PRMT7: variants seen among roughly 807,000 people sequenced by gnomAD.
The protein encoded by PRMT7 is protein arginine N-methyltransferase 7.
A neutral mutation model predicts 85.4 loss-of-function variants in PRMT7; 75 were observed. The observed-to-expected ratio is 0.88, with a 90% CI of 0.73 to 1.06. The LOEUF (loss-of-function observed/expected upper bound fraction) is 1.06, where lower values mean the gene tolerates loss of function less well. Among genes scored for constraint, PRMT7 ranks in the 50% least tolerant of loss-of-function variants. The pLI, the probability that PRMT7 is intolerant of heterozygous loss-of-function variation, is 0.00. For synonymous variants in PRMT7, 397 were observed against 359.5 expected (o/e 1.10, Z -1.18); for missense variants, 868 against 915.2 (o/e 0.95, Z 0.67).
chr16:68,321,986 C>T (rs893211325), intron 4 of PRMT7, among the ~76,000 whole-genome samples: 2 of 150,706 alleles, frequency 1.3e-5, no homozygotes, highest in Admixed American at 6.6e-5. Context: ...CTCGCTCTGT[C>T]ACTCAGGCTA....
At chr16:68,319,711 A>AGTGTGTGGGTGTGTGTGT (rs2082269296) in intron 3 of PRMT7, among the ~76,000 whole-genome samples, 1 of 141,446 alleles carries the variant, frequency 7.1e-6, no homozygotes, top group Non-Finnish European at 1.5e-5. Context: ...TAAGAGTGAG[A>AGTGTGTGGGTGTGTGTGT]GTGTGTGTGT....
chr16:68,346,111 C>T (rs1401953839), intron 10 of PRMT7, 34 bp from the exon 11 acceptor site: 2 of 1,610,568 alleles, frequency 1.2e-6, no homozygotes, highest in South Asian at 2.2e-5. Flanking sequence ...GAGGCGCTCA[C>T]AGCCCACGTC....
chr16:68,357,054 G>C lies in PRMT7; in HGVS notation c.1909G>C (p.Gly637Arg), dbSNP rs145555776. 4 of 1,604,958 alleles carry C rather than the reference G, an allele frequency of 2.5e-6. No homozygotes were observed. In the African/African-American group the frequency reaches 5.4e-5, roughly 21 times the overall value. Reference sequence around the variant, plus strand: ...CATCTTCCTGCTCTTCTTCCTACAGGGGGGCTGCTGCTGGAACCCCCACTG... The same window carrying C: ...CATCTTCCTGCTCTTCTTCCTACAGCGGGGCTGCTGCTGGAACCCCCACTG... ...TGLLEPADPE[G>R]GCCWNPHCKQ... is the part of the protein sequence containing the mutation. The change falls in exon 19 of 19, where the codon GGG (glycine) becomes CGG (arginine). Residue 637 changes from glycine to arginine, a missense_variant and splice_region_variant. Coordinates refer to ENST00000441236, the MANE Select transcript of PRMT7 (RefSeq NM_019023.5).
At chr16:68,318,487 C>T (rs2082134615) in intron 3 of PRMT7, among the ~76,000 whole-genome samples, 2 of 152,250 alleles carry the variant, frequency 1.3e-5, no homozygotes, top group Non-Finnish European at 2.9e-5. Flanking sequence ...GCGTGAGCCA[C>T]TGCACCTGCC....
chr16:68,352,417 A>T lies in PRMT7; in HGVS notation c.1575+8A>T, dbSNP rs376295845. The T allele has an allele frequency of 1.9e-6, 3 of 1,580,308 alleles. No homozygotes were observed. Among genetic ancestry groups the T allele is most frequent in the African/African-American group, 1.3e-5 (1 of 74,342 alleles). On this transcript the variant is annotated splice_region_variant and intron_variant, in intron 15 of 18. Coordinates refer to ENST00000441236, the MANE Select transcript of PRMT7 (RefSeq NM_019023.5). ...GTGGTTGTGGAGTTCAGGGTAGGCC[A>T]CCCAGGGGATGTTGGAGAAAAAAGC... is the stretch of plus-strand genomic sequence containing the variant.
intron 16 of PRMT7, chr16:68,354,630 C>T (rs989631902): frequency 2.6e-5 from 4 of 152,388 alleles, no homozygotes; most frequent in East Asian, 1.9e-4. Flanking sequence ...AAATCTCCTT[C>T]GTGCTGAGCC....
At position 68,316,057 on chromosome 16, in the gene PRMT7, C is replaced by T. The variant is rs767753732; in HGVS notation, c.78C>T (p.Tyr26=). 24 of 1,613,436 alleles carry T rather than the reference C, an allele frequency of 1.5e-5. No individual in the cohort carries two copies. The highest frequency in any genetic ancestry group is 2.0e-5 in the Non-Finnish European group (24 of 1,179,850). The stretch of plus-strand genomic sequence containing the variant: ...TGGAGGAGGATGAACACTATGATTA[C>T]CACCAGGAGATTGCAAGGTACTGGG... The part of the protein sequence containing the change: ...EWLEEDEHYD[Y]HQEIARSSYA... Residue 26 remains tyrosine (Y), a synonymous_variant, in exon 3 of 19, where the codon TAC becomes TAT. Coordinates refer to ENST00000441236, the MANE Select transcript of PRMT7 (RefSeq NM_019023.5).
intron 6 of PRMT7, among the ~76,000 whole-genome samples, chr16:68,336,889 G>T (rs2084773274): frequency 6.6e-6 from 1 of 152,090 alleles, no homozygotes; most frequent in Admixed American, 6.5e-5. Context: ...GGTAGCTGGG[G>T]TTACAGGCGT....
At chr16:68,355,454 T>TA (rs1342783778) in intron 16 of PRMT7, 1 of 348,306 alleles carries the variant, frequency 2.9e-6, no homozygotes, top group Non-Finnish European at 5.2e-6. Flanking sequence ...GTGATGTAGA[T>TA]ATGTGGTCCT....
chr16:68,321,545 C>A, intron 4 of PRMT7, 83 bp downstream of exon 4: 1 of 1,345,566 alleles, frequency 7.4e-7, no homozygotes, highest in South Asian at 1.3e-5. Context: ...CCCTGGGGGT[C>A]ATGATGTTAA....
chr16:68,337,092 T>C (rs2084805409), intron 6 of PRMT7, among the ~76,000 whole-genome samples: 1 of 152,218 alleles, frequency 6.6e-6, no homozygotes, highest in Non-Finnish European at 1.5e-5. Context: ...TTTGTCATGT[T>C]TCCCAGGCTG....
chr16:68,313,470 T>A (rs2044238065), intron 2 of PRMT7, among the ~76,000 whole-genome samples: 1 of 152,184 alleles, frequency 6.6e-6, no homozygotes, highest in Admixed American at 6.6e-5. Context: ...CTAAACTGAT[T>A]GATATAATGT....
chr16:68,357,790 A>G lies in PRMT7; in HGVS notation c.*566A>G, dbSNP rs1017945121. 2.0e-5 allele frequency: 3 copies of G among 149,930 alleles called. No homozygotes were observed. Among genetic ancestry groups the G allele is most frequent in the African/African-American group, 7.5e-5 (3 of 39,988 alleles). 9.3% of individuals were successfully genotyped at this position (149,930 alleles called of 1,614,324 possible). On this transcript the variant is annotated 3_prime_UTR_variant, in exon 19 of 19. Coordinates refer to ENST00000441236, the MANE Select transcript of PRMT7 (RefSeq NM_019023.5). ...TGACAGGTAACTTCAAGCCACATCC[A>G]TAGGTGTCTGGCCTCAGTGCTGCAC...
At chr16:68,334,942 G>A (rs1299210261) in intron 6 of PRMT7, among the ~76,000 whole-genome samples, 2 of 152,088 alleles carry the variant, frequency 1.3e-5, no homozygotes, top group South Asian at 2.1e-4. Flanking sequence ...GACTACAGGC[G>A]CGTGCTACTA....
chr16:68,339,492 C>T lies in PRMT7; in HGVS notation c.675C>T (p.Val225=). 6.2e-7 allele frequency: 1 copy of T among 1,614,204 alleles called. No homozygotes were observed. Among genetic ancestry groups the T allele is most frequent in the Non-Finnish European group, 8.5e-7 (1 of 1,180,044 alleles). Residue 225 remains valine, a synonymous_variant, in exon 8 of 19, where the codon GTC becomes GTT. Transcript: ENST00000441236. The part of the protein sequence containing the change: ...DVESCPGAPS[V]CDIQLNQVSP... ...AGAGCTGCCCTGGCGCACCCTCTGT[C>T]TGTGACATTCAGCTGAACCAGGTGT...
At chr16:68,350,434 C>CTT (rs58165144) in intron 14 of PRMT7, among the ~76,000 whole-genome samples, 2 of 144,110 alleles carry the variant, frequency 1.4e-5, no homozygotes, top group African/African-American at 5.1e-5. Context: ...CTGGCATTGG[C>CTT]TTTTTTTTTT....
At position 68,324,758 on chromosome 16, in the gene PRMT7, G is replaced by A. The variant is rs374317868; in HGVS notation, c.208G>A (p.Asp70Asn). 1.7e-5 allele frequency: 27 copies of A among 1,613,854 alleles called. No individual in the cohort carries two copies. The highest frequency in any genetic ancestry group is 2.7e-5 in the African/African-American group (2 of 74,930). Residue 70 changes from aspartate to asparagine, a missense_variant, in exon 5 of 19, where the codon GAC becomes AAC. Physicochemically the swap from Asp to Asn is conservative, Grantham distance 23 (BLOSUM62 1). Coordinates refer to ENST00000441236, the MANE Select transcript of PRMT7 (RefSeq NM_019023.5). ...CAGAGGACAGAAGGCCTTGGTTCTC[G>A]ACATTGGCACTGGCACGGGACTCTT... ...KDRGQKALVLDIGTGTGLLSM... is the reference protein window; with the variant it reads ...KDRGQKALVLNIGTGTGLLSM...
At chr16:68,339,604 T>C in intron 8 of PRMT7, 41 bp downstream of exon 8, 1 of 1,607,158 alleles carries the variant, frequency 6.2e-7, no homozygotes, top group South Asian at 1.1e-5. Context: ...TTTGAGACAT[T>C]TGATGGAAGT....
chr16:68,316,165 C>T, intron 3 of PRMT7, 91 bp downstream of exon 3: 1 of 1,122,200 alleles, frequency 8.9e-7, no homozygotes, highest in Non-Finnish European at 1.3e-6. Flanking sequence ...GTGGGCTAGG[C>T]TGTCACCCAG....
Sources: gnomAD v4.1 joint callset for allele counts (sites outside exome capture counted in the v4.1 genomes callset) on GRCh38, gnomAD v4.1.1 for gene constraint, MANE v1.5 for transcripts, NCBI Gene and HGNC (gene_info 2026-07-23, HGNC 2026-07-21) for gene names.